TRAPPC9: variants seen among roughly 807,000 people sequenced by gnomAD.
TRAPPC9 encodes the protein IKK2 binding protein.
Under a neutral mutation model 124.0 loss-of-function variants are expected in TRAPPC9, and 83 were observed. The ratio of observed to expected loss-of-function variants is 0.67; its 90% CI spans 0.56 to 0.80. The LOEUF (loss-of-function observed/expected upper bound fraction) is 0.80. TRAPPC9 is among the 30% of genes least tolerant of loss of function. The pLI, the probability that TRAPPC9 is intolerant of heterozygous loss-of-function variation, is 0.00. For missense variants in TRAPPC9, 1,302 were observed against 1,508.3 expected (o/e 0.86, Z 2.27); for synonymous variants, 638 against 617.5 (o/e 1.03, Z -0.49).
intron 19 of TRAPPC9, among the ~76,000 whole-genome samples, chr8:139,966,801 A>T (rs978322614): frequency 1.3e-5 from 2 of 152,168 alleles, no homozygotes; most frequent in African/African-American, 4.8e-5. Flanking sequence ...AATACATATC[A>T]TGGCAGGTTT....
chr8:140,454,418 C>G (rs2132726994), intron 1 of TRAPPC9, among the ~76,000 whole-genome samples: 1 of 152,220 alleles, frequency 6.6e-6, no homozygotes, highest in South Asian at 2.1e-4. Context: ...GCAGGCAGAT[C>G]ACTTGAGGTC....
Position 139,736,852 on chromosome 8 carries a change from G to A in TRAPPC9, c.3056-4650C>T, listed in dbSNP as rs1205020477. On this transcript the variant is annotated intron_variant, in intron 21 of 22. Transcript: ENST00000438773. The stretch of plus-strand genomic sequence containing the variant: ...GAACAAGCGGTGTCCAGTCCTGGGG[G>A]ATCAGAGGAAATGGGCTCATTTCTG... Among the ~76,000 whole-genome samples the A allele has an allele frequency of 2.0e-5, 3 of 152,272 alleles. No homozygotes were observed. The East Asian group carries it at 5.8e-4, about 29-fold the overall frequency.
At chr8:140,075,843 A>G (rs888840232) in intron 17 of TRAPPC9, among the ~76,000 whole-genome samples, 22 of 152,244 alleles carry the variant, frequency 1.4e-4, no homozygotes. Context: ...TAAGGAAAAT[A>G]TCCTTCTGAA....
intron 21 of TRAPPC9, among the ~76,000 whole-genome samples, chr8:139,800,989 G>C (rs73362199): frequency 0.15 from 19,157 of 126,772 alleles, 1,710 homozygotes; most frequent in East Asian, 0.29. Context: ...ATCTTCCCCC[G>C]CTCTGGCACC....
intron 19 of TRAPPC9, among the ~76,000 whole-genome samples, chr8:139,917,852 CT>C (rs1832251890): frequency 6.6e-6 from 1 of 152,246 alleles, no homozygotes; most frequent in South Asian, 2.1e-4. Context: ...GGCACACATG[CT>C]GACAGGTGCT....
At chr8:140,094,163 G>C (rs1323858623) in intron 17 of TRAPPC9, among the ~76,000 whole-genome samples, 1 of 152,132 alleles carries the variant, frequency 6.6e-6, no homozygotes, top group African/African-American at 2.4e-5. Context: ...ACTTAGAATT[G>C]CCAAATTCTT....
At chr8:140,236,400 G>A (rs992743992) in intron 16 of TRAPPC9, among the ~76,000 whole-genome samples, 2 of 151,960 alleles carry the variant, frequency 1.3e-5, no homozygotes, top group Admixed American at 6.6e-5. Flanking sequence ...TCTTCTACAC[G>A]GAATTTAAGT....
In TRAPPC9 at chr8:140,010,404, C is replaced by T. The variant is rs190087132; in HGVS notation, c.2699+13533G>A. Among the ~76,000 whole-genome samples the T allele has an allele frequency of 7.5e-4, 114 of 152,166 alleles. 1 individual carries two copies. The highest frequency in any genetic ancestry group is 1.2e-4 in the Non-Finnish European group (8 of 67,990). On this transcript the variant is annotated intron_variant, in intron 18 of 22. Transcript: ENST00000438773. ...ACAAAATAATTTTACTAAAAATGTT[C>T]GCAAAAGGTGACCAAAATAATTTGT... is the stretch of plus-strand genomic sequence containing the variant.
At chr8:140,258,534 G>A (rs2064324363) in intron 15 of TRAPPC9, among the ~76,000 whole-genome samples, 1 of 152,208 alleles carries the variant, frequency 6.6e-6, no homozygotes, top group Admixed American at 6.5e-5. Context: ...CAAACCGCCT[G>A]CTAGATACAT....
chr8:140,425,208 C>A (rs749860734), intron 5 of TRAPPC9, among the ~76,000 whole-genome samples: 6 of 152,346 alleles, frequency 3.9e-5, no homozygotes, highest in African/African-American at 4.8e-5. Flanking sequence ...TTAGCAGGAA[C>A]TGGCGTGGCC....
chr8:140,257,968 G>T lies in TRAPPC9; in HGVS notation c.2279-5039C>A, dbSNP rs1381072514. On this transcript the variant is annotated intron_variant, in intron 15 of 22. Transcript: ENST00000438773. This position sits in a 1 kb window ranked among gnomAD's most constrained non-coding sequence, Gnocchi z 4.6. ...GTCATTCTTCAGATAAATATTTATTGAGTGTCTCCTGTGTGTCAAGCTCTG... is the reference window on the plus strand; with the variant it reads ...GTCATTCTTCAGATAAATATTTATTTAGTGTCTCCTGTGTGTCAAGCTCTG... Among the ~76,000 whole-genome samples the T allele has an allele frequency of 6.6e-6, 1 of 152,298 alleles. No homozygotes were observed. Among genetic ancestry groups the T allele is most frequent in the Non-Finnish European group, 1.5e-5 (1 of 68,024 alleles).
chr8:140,083,022 C>A (rs1587668267), intron 17 of TRAPPC9, among the ~76,000 whole-genome samples: 1 of 152,092 alleles, frequency 6.6e-6, no homozygotes, highest in Non-Finnish European at 1.5e-5. Context: ...GTAAAACCCC[C>A]TCTCTACTAA....
At chr8:139,743,170 G>A (rs112735695) in intron 21 of TRAPPC9, among the ~76,000 whole-genome samples, 2,145 of 152,292 alleles carry the variant, frequency 0.014, 21 homozygotes, top group Non-Finnish European at 0.024. Flanking sequence ...ATGATCTGTG[G>A]ATTTCTTGTC....
chr8:139,773,368 T>C (rs1821118432), intron 21 of TRAPPC9, among the ~76,000 whole-genome samples: 1 of 152,218 alleles, frequency 6.6e-6, no homozygotes, highest in African/African-American at 2.4e-5. Flanking sequence ...AGGCCCCGGC[T>C]ACATTCCTGG....
intron 20 of TRAPPC9, among the ~76,000 whole-genome samples, chr8:139,908,357 C>A (rs58696953): frequency 0.28 from 42,554 of 152,006 alleles, 6,115 homozygotes; most frequent in East Asian, 0.39. Flanking sequence ...GAGGCTGAAT[C>A]TCTGAGACCC....
At position 140,421,739 on chromosome 8, in the gene TRAPPC9, CTTTAG is replaced by C. The variant is rs150565556; in HGVS notation, c.886+4871_886+4875del. Among the ~76,000 whole-genome samples, 130 of 152,128 alleles carry C rather than the reference CTTTAG, an allele frequency of 8.5e-4. 1 individual carries two copies. The East Asian group carries it at 0.024, about 28-fold the overall frequency. ...TGTGTCAACACTGGGGATTTTTTTC[CTTTAG>C]TTAACGAAATGGAATCAATCAAATA... On this transcript the variant is annotated intron_variant, in intron 5 of 22. Transcript: ENST00000438773.
At chr8:140,058,199 G>A (rs1173787855) in intron 17 of TRAPPC9, among the ~76,000 whole-genome samples, 1 of 151,922 alleles carries the variant, frequency 6.6e-6, no homozygotes, top group Non-Finnish European at 1.5e-5. Flanking sequence ...CTTTTCTCCA[G>A]TCACTTCTCA....
intron 17 of TRAPPC9, among the ~76,000 whole-genome samples, chr8:140,172,693 T>G (rs775361012): frequency 4.6e-5 from 7 of 152,134 alleles, no homozygotes; most frequent in Non-Finnish European, 7.4e-5. Context: ...GCTAAATGCT[T>G]TGAGTTTAGA....
intron 21 of TRAPPC9, among the ~76,000 whole-genome samples, chr8:139,794,027 C>A (rs1443806667): frequency 2.0e-5 from 3 of 152,160 alleles, no homozygotes; most frequent in African/African-American, 4.8e-5. Context: ...GTCACCCCTG[C>A]AGGTCTCTTG....
Sources: gnomAD v4.1 joint callset for allele counts (sites outside exome capture counted in the v4.1 genomes callset) on GRCh38, gnomAD v4.1.1 for gene constraint, Gnocchi (gnomAD v3.1) non-coding constraint, MANE v1.5 for transcripts, NCBI Gene and HGNC (gene_info 2026-07-23, HGNC 2026-07-21) for gene names.